The following NOS1 variants were observed in gnomAD, a reference collection of about 807,000 sequenced individuals.
The protein encoded by NOS1 is nitric oxide synthase 1.
NOS1 carries 51 observed loss-of-function variants against 164.5 expected under a neutral mutation model. The ratio of observed to expected loss-of-function variants is 0.31; its 90% CI spans 0.25 to 0.39. The LOEUF (loss-of-function observed/expected upper bound fraction) is 0.39, where lower values mean the gene tolerates loss of function less well. Among genes scored for constraint, NOS1 ranks in the 10% least tolerant of loss-of-function variants. The probability of loss-of-function intolerance (pLI) is 1.00; values close to 1 mark genes in which losing one functional copy is unlikely to be tolerated. For synonymous variants in NOS1, 719 were observed against 745.8 expected, an observed-to-expected ratio of 0.96 and a Z score of 0.59; for missense variants, 1,362 against 1,885.6, an observed-to-expected ratio of 0.72 and a Z score of 5.14.
Position 117,213,430 on chromosome 12 carries a change from A to G in NOS1, c.*1879T>C. 4 of 985,498 alleles carry G rather than the reference A, an allele frequency of 4.1e-6. No homozygotes were observed. The highest frequency in any genetic ancestry group is 4.8e-6 in the Non-Finnish European group (4 of 829,994). The allele number at this position is 985,498 out of a possible 1,614,324, so 61.0% of individuals were successfully genotyped here. On this transcript the variant is annotated 3_prime_UTR_variant, in exon 29 of 29. Coordinates refer to ENST00000317775, the MANE Select transcript of NOS1 (RefSeq NM_000620.5). ...AGAGTGAGCAGGGGAAATTGGGATT[A>G]AAGGAAGGCAGGGGAGATTATAGCT...
At chr12:117,305,182 G>A (rs1196397140) in intron 3 of NOS1, 1 of 667,306 alleles carries the variant, frequency 1.5e-6, no homozygotes, top group Non-Finnish European at 1.9e-6. Context: ...GCTGATTCCG[G>A]CTGGGAGCGG....
intron 28 of NOS1, among the ~76,000 whole-genome samples, chr12:117,215,594 G>A (rs1354915127): frequency 1.3e-5 from 2 of 151,986 alleles, no homozygotes; most frequent in African/African-American, 2.4e-5. Context: ...CACCACGCCC[G>A]GCTAATTTTT....
rs1956681621 is a variant in NOS1, at chr12:117,220,246, C to T, written c.3999G>A (p.Gln1333=). The T allele has an allele frequency of 6.2e-6, 10 of 1,611,060 alleles. No individual in the cohort carries two copies. The highest frequency in any genetic ancestry group is 8.5e-6 in the Non-Finnish European group (10 of 1,179,556). ...GGTACACAGACTCCGCCAGCTGCTCCTGCAGGATGTCCTGCACGTACTTCT... is the reference window on the plus strand; with the variant it reads ...GGTACACAGACTCCGCCAGCTGCTCTTGCAGGATGTCCTGCACGTACTTCT... ...KPKKYVQDIL[Q]EQLAESVYRA... The change falls in exon 27 of 29, where the codon CAG becomes CAA. Residue 1333 remains glutamine, a synonymous_variant. Transcript: ENST00000317775.
intron 3 of NOS1, among the ~76,000 whole-genome samples, chr12:117,296,732 C>T (rs145671209): frequency 0.014 from 2,147 of 152,248 alleles, 23 homozygotes; most frequent in African/African-American, 0.018. Flanking sequence ...ACCTCCATCC[C>T]CCACCCCCAT....
intron 27 of NOS1, 27 bp from the exon 28 acceptor site, chr12:117,218,191 A>C: frequency 6.4e-7 from 1 of 1,550,962 alleles, no homozygotes; most frequent in Non-Finnish European, 8.9e-7. Context: ...GCCAGAAAAC[A>C]GCTCTCAAAT....
intron 11 of NOS1, 101 bp downstream of exon 11, chr12:117,267,942 G>T: frequency 1.3e-6 from 1 of 778,572 alleles, no homozygotes. Context: ...CCGCAAAGGT[G>T]GTTTCTGGCA....
chr12:117,356,078 G>T lies in NOS1; in HGVS notation c.-421+5434C>A, dbSNP rs200887677. On this transcript the variant is annotated intron_variant, in intron 1 of 28. Transcript: ENST00000317775. This position sits in a 1 kb window ranked among gnomAD's most constrained non-coding sequence, Gnocchi z 4.2. ...GCTCTTTTTAAAATTTCTTTTCTTT[G>T]TTATGATCACTGAGATGGGCTGGAT... 1.3e-5 allele frequency among the ~76,000 whole-genome samples: 2 copies of T among 152,138 alleles called. No homozygotes were observed. Among genetic ancestry groups the T allele is most frequent in the East Asian group, 3.8e-4 (2 of 5,196 alleles).
chr12:117,258,005 A>C (rs1159369845), intron 16 of NOS1, among the ~76,000 whole-genome samples: 1 of 151,656 alleles, frequency 6.6e-6, no homozygotes, highest in African/African-American at 2.4e-5. Flanking sequence ...GGGTTTCACC[A>C]TGTTGGCCAG....
chr12:117,301,393 T>A (rs562122635), intron 3 of NOS1, among the ~76,000 whole-genome samples: 1 of 152,306 alleles, frequency 6.6e-6, no homozygotes, highest in African/African-American at 2.4e-5. Context: ...CCTCCCAAAG[T>A]GCTGGGATTA....
At chr12:117,276,349 T>C (rs1873178065) in intron 9 of NOS1, among the ~76,000 whole-genome samples, 1 of 152,168 alleles carries the variant, frequency 6.6e-6, no homozygotes, top group Non-Finnish European at 1.5e-5. Context: ...CTGGCACAAC[T>C]TGGGCTCACT....
intron 2 of NOS1, among the ~76,000 whole-genome samples, chr12:117,312,402 C>G (rs955764365): frequency 1.3e-5 from 2 of 151,264 alleles, no homozygotes; most frequent in South Asian, 2.1e-4. Flanking sequence ...TTGTGACAAC[C>G]CTTTGAGGCA....
intron 6 of NOS1, 126 bp from the exon 7 acceptor site, chr12:117,285,458 C>T (rs1177744266): frequency 2.0e-6 from 1 of 489,374 alleles, no homozygotes; most frequent in Non-Finnish European, 3.8e-6. Flanking sequence ...GAAGTGGGCA[C>T]CTCATTACTG....
chr12:117,224,958 A>T, intron 25 of NOS1, 58 bp downstream of exon 25: 1 of 1,610,764 alleles, frequency 6.2e-7, no homozygotes, highest in African/African-American at 1.3e-5. Context: ...GCTGAGACAC[A>T]GCTGGACCTC....
intron 9 of NOS1, among the ~76,000 whole-genome samples, chr12:117,275,791 AAAATG>A (rs753542323): frequency 1.3e-5 from 2 of 152,214 alleles, no homozygotes; most frequent in Non-Finnish European, 2.9e-5. Flanking sequence ...TTAGAAAAAT[AAAATG>A]AAACATTAAT....
chr12:117,343,303 G>T (rs1187514878), intron 1 of NOS1, among the ~76,000 whole-genome samples: 1 of 151,862 alleles, frequency 6.6e-6, no homozygotes, highest in South Asian at 2.1e-4. Context: ...GAAAATGGGG[G>T]TGAAAGAAAG....
chr12:117,338,625 TAAAA>T (rs567102392), intron 1 of NOS1, among the ~76,000 whole-genome samples: 1 of 151,878 alleles, frequency 6.6e-6, no homozygotes, highest in Non-Finnish European at 1.5e-5. Context: ...ATAATAAAAT[TAAAA>T]AAATCTAACT....
rs552218214 is a variant in NOS1 at position 117,216,186 on chromosome 12, T to G, written c.4290-862A>C. Among the ~76,000 whole-genome samples, 7 of 138,378 alleles carry G rather than the reference T, an allele frequency of 5.1e-5. No homozygotes were observed. In the South Asian group the frequency reaches 1.6e-3, roughly 31 times the overall value. The allele number at this position is 138,378 out of a possible 152,430, so 90.8% of individuals were successfully genotyped here. A position where few individuals can be genotyped will look rare whatever the true frequency, so the allele number is the denominator to read the frequency against. On this transcript the variant is annotated intron_variant, in intron 28 of 28. Transcript: ENST00000317775. ...AGCCACTGGGCCCGTCAAAAGGGAT[T>G]TTTTTTTTTTTTTTGAGACGGAGTC...
In NOS1 at chr12:117,253,433, G is replaced by T. The variant is rs140524996; in HGVS notation, c.2648+205C>A. The stretch of plus-strand genomic sequence containing the variant: ...AGTGTGTATATGAAAAGAAGTCACA[G>T]AAAGGATAAAAAATGGTGCACGGGG... On this transcript the variant is annotated intron_variant, in intron 17 of 28. Coordinates refer to ENST00000317775, the MANE Select transcript of NOS1 (RefSeq NM_000620.5). Among the ~76,000 whole-genome samples the T allele has an allele frequency of 2.0e-5, 3 of 152,224 alleles. No individual in the cohort carries two copies. The East Asian group carries it at 5.8e-4, about 29-fold the overall frequency.
rs148683456 is a variant in NOS1, at chr12:117,214,316, A to G, written c.*993T>C. 1.7e-3 allele frequency: 1,627 copies of G among 985,456 alleles called. 29 individuals are homozygous for G. The African/African-American group carries it at 0.026, about 16-fold the overall frequency. 61.0% of individuals were successfully genotyped at this position (985,456 alleles called of 1,614,324 possible). Reference sequence around the variant, plus strand: ...TTATGACTAGGAAAAACTGAGGACAAGTGACCCATCCAAAGTCATCCAGTG... The same window carrying G: ...TTATGACTAGGAAAAACTGAGGACAGGTGACCCATCCAAAGTCATCCAGTG... On this transcript the variant is annotated 3_prime_UTR_variant, in exon 29 of 29. Transcript: ENST00000317775.
Sources: allele counts gnomAD v4.1 joint callset (sites outside exome capture counted in the v4.1 genomes callset), GRCh38; gene constraint gnomAD v4.1.1; non-coding constraint Gnocchi (gnomAD v3.1); transcripts MANE v1.5; gene names NCBI Gene and HGNC (gene_info 2026-07-23, HGNC 2026-07-21).